Variants in DNAH3 observed in about 807,000 individuals in gnomAD.
DNAH3 encodes the protein axonemal beta dynein heavy chain 3.
A neutral mutation model predicts 432.5 loss-of-function variants in DNAH3; 332 were observed. The observed-to-expected ratio is 0.77, with a 90% CI of 0.70 to 0.84. The LOEUF is 0.84. Among genes scored for constraint, DNAH3 ranks in the 40% least tolerant of loss-of-function variants. The pLI is 0.00. For synonymous variants in DNAH3, 1,956 were observed against 1,900.2 expected (o/e 1.03, Z -0.76); for missense variants, 4,861 against 5,114.0 (o/e 0.95, Z 1.51).
chr16:21,060,355 C>T lies in DNAH3; in HGVS notation c.3722G>A (p.Gly1241Asp), dbSNP rs760736439. 5 of 1,613,132 alleles carry T rather than the reference C, an allele frequency of 3.1e-6. No individual in the cohort carries two copies. The Admixed American group carries it at 5.0e-5, about 16-fold the overall frequency. ...CTGCTGGAGCCACTTTTCCACCATG[C>T]CCTATGGAGCAAGACAGAGAGAGGG... Residue 1241 changes from glycine (G) to aspartate (D), a missense_variant and splice_region_variant, in exon 26 of 62, where the codon GGC becomes GAC. Physicochemically the swap from Gly to Asp is moderately conservative, Grantham distance 94 (BLOSUM62 -1). Transcript: ENST00000261383.
intron 7 of DNAH3, among the ~76,000 whole-genome samples, chr16:21,130,283 A>C (rs116308290): frequency 6.7e-6 from 1 of 149,696 alleles, no homozygotes; most frequent in African/African-American, 2.5e-5. Context: ...ACTAATAAAA[A>C]GCTCTCATCA....
chr16:20,970,047 C>T lies in DNAH3; in HGVS notation c.8260-57G>A, dbSNP rs141479693. The T allele has an allele frequency of 3.1e-5, 47 of 1,501,176 alleles. No individual in the cohort carries two copies. In the East Asian group the frequency reaches 4.5e-4, roughly 14 times the overall value. 93.0% of individuals were successfully genotyped at this position (1,501,176 alleles called of 1,614,324 possible). A position where few individuals can be genotyped will look rare whatever the true frequency, so the allele number is the denominator to read the frequency against. On this transcript the variant is annotated intron_variant, in intron 51 of 61. Coordinates refer to ENST00000261383, the Ensembl canonical transcript of DNAH3. The stretch of plus-strand genomic sequence containing the variant: ...TGCCCAGGGCCTGGCACAATGGGGG[C>T]GAAGCAGAGCTCCACTCCTACATGA...
chr16:21,122,323 G>A (rs1450747727), intron 9 of DNAH3, among the ~76,000 whole-genome samples, 199 bp from the exon 11 acceptor site: 1 of 152,170 alleles, frequency 6.6e-6, no homozygotes, highest in Non-Finnish European at 1.5e-5. Context: ...GGGAGGCCGA[G>A]ACAGGTGGAT....
At chr16:20,982,043 T>A (rs1320970916) in intron 49 of DNAH3, among the ~76,000 whole-genome samples, 3 of 148,550 alleles carry the variant, frequency 2.0e-5, no homozygotes, top group Non-Finnish European at 3.0e-5. Context: ...ATAAAGCACA[T>A]ATATATATGT....
exon 48 of DNAH3, chr16:20,985,151 G>C (rs2086127552): frequency 1.2e-6 from 2 of 1,614,080 alleles, no homozygotes; most frequent in African/African-American, 1.3e-5. Flanking sequence ...GCTGCAGTCT[G>C]CATCTTCTCC....
chr16:20,983,194 C>T (rs2085998917), intron 48 of DNAH3, among the ~76,000 whole-genome samples: 2 of 152,284 alleles, frequency 1.3e-5, no homozygotes, highest in East Asian at 1.9e-4. Flanking sequence ...GGCGCAATCT[C>T]GGCTCACTGC....
intron 25 of DNAH3, 73 bp from the exon 26 acceptor site, chr16:21,060,429 G>A (rs1260705692): frequency 1.0e-5 from 12 of 1,151,800 alleles, no homozygotes; most frequent in Non-Finnish European, 1.6e-5. Context: ...GCAGAACACA[G>A]CTTTCTCTCT....
chr16:21,080,049 C>G (rs917469743), intron 20 of DNAH3, among the ~76,000 whole-genome samples: 1 of 152,206 alleles, frequency 6.6e-6, no homozygotes, highest in Non-Finnish European at 1.5e-5. Context: ...GTAATCCCAG[C>G]ACTTTGGGAG....
chr16:21,029,641 C>T (rs1013855676), intron 37 of DNAH3, among the ~76,000 whole-genome samples: 1 of 152,178 alleles, frequency 6.6e-6, no homozygotes, highest in Non-Finnish European at 1.5e-5. Flanking sequence ...GCTCTTTTAG[C>T]CACCATACAT....
At chr16:20,991,981 T>A (rs1224942586) in intron 44 of DNAH3, among the ~76,000 whole-genome samples, 2 of 152,178 alleles carry the variant, frequency 1.3e-5, no homozygotes, top group African/African-American at 2.4e-5. Context: ...ATGAGATACT[T>A]CCCCTCATCA....
At chr16:20,972,232 TTCTC>T (rs199706343) in intron 51 of DNAH3, among the ~76,000 whole-genome samples, 25 of 150,012 alleles carry the variant, frequency 1.7e-4, no homozygotes, top group South Asian at 2.1e-4. Context: ...TGATTTTTTT[TTCTC>T]TCTTTTTTTT....
intron 48 of DNAH3, among the ~76,000 whole-genome samples, chr16:20,984,208 C>CGTGT (rs142280534): frequency 1.3e-5 from 2 of 149,284 alleles, no homozygotes; most frequent in Non-Finnish European, 3.0e-5. Flanking sequence ...CGCATGCGTG[C>CGTGT]GTGTGTGTGT....
exon 29 of DNAH3, chr16:21,051,829 G>C: frequency 6.2e-7 from 1 of 1,614,082 alleles, no homozygotes; most frequent in Non-Finnish European, 8.5e-7. Flanking sequence ...ATTCAGATCG[G>C]AGACCCTGTC....
intron 54 of DNAH3, among the ~76,000 whole-genome samples, chr16:20,958,892 T>G (rs2084688129): frequency 6.6e-6 from 1 of 152,102 alleles, no homozygotes; most frequent in Non-Finnish European, 1.5e-5. Flanking sequence ...CTCAGCCTCC[T>G]GAGTAGCTGG....
At chr16:21,097,017 G>A (rs550917763) in intron 18 of DNAH3, among the ~76,000 whole-genome samples, 1 of 152,058 alleles carries the variant, frequency 6.6e-6, no homozygotes, top group Non-Finnish European at 1.5e-5. Context: ...AGAGTAAAAG[G>A]TAGTTTACAA....
At chr16:21,115,341 T>C (rs1348082695) in intron 12 of DNAH3, among the ~76,000 whole-genome samples, 4 of 149,948 alleles carry the variant, frequency 2.7e-5, no homozygotes, top group Admixed American at 2.7e-4. Context: ...TGTATACATA[T>C]GTAACAAACC....
intron 14 of DNAH3, among the ~76,000 whole-genome samples, chr16:21,110,691 G>A (rs1441426288): frequency 6.6e-6 from 1 of 152,032 alleles, no homozygotes; most frequent in Non-Finnish European, 1.5e-5. Flanking sequence ...GTAAAATAAA[G>A]GCATAATATA....
intron 18 of DNAH3, among the ~76,000 whole-genome samples, chr16:21,092,685 A>G: frequency 6.8e-6 from 1 of 147,256 alleles, no homozygotes; most frequent in Non-Finnish European, 1.5e-5. Flanking sequence ...CACAGTCTGG[A>G]AGAAAATATT....
intron 20 of DNAH3, 130 bp downstream of exon 20, chr16:21,081,502 TTAAA>T: frequency 1.7e-6 from 1 of 601,252 alleles, no homozygotes; most frequent in Non-Finnish European, 2.9e-6. Flanking sequence ...CTGCAGGTAA[TTAAA>T]TAGCCTTAAG....
Sources: gnomAD v4.1 joint callset for allele counts (sites outside exome capture counted in the v4.1 genomes callset) on GRCh38, gnomAD v4.1.1 for gene constraint, MANE v1.5 for transcripts, NCBI Gene and HGNC (gene_info 2026-07-23, HGNC 2026-07-21) for gene names.